OR4F5: variants seen among roughly 807,000 people sequenced by gnomAD.
OR4F5 encodes olfactory receptor family 4 subfamily F member 5.
A neutral mutation model predicts 5.8 loss-of-function variants in OR4F5; 1 was observed. That is an observed-to-expected ratio of 0.17 (90% confidence interval 0.06 to 0.82). The LOEUF (loss-of-function observed/expected upper bound fraction) is 0.82. Ranked by LOEUF, OR4F5 falls within the 40% of genes least tolerant of loss-of-function variation. The pLI, the probability that OR4F5 is intolerant of heterozygous loss-of-function variation, is 0.72. For synonymous variants in OR4F5, 18 were observed against 63.7 expected (o/e 0.28, Z 3.42); for missense variants, 47 against 175.5 (o/e 0.27, Z 4.14).
At chr1:67,414 C>T (rs1463397757) in intron 2 of OR4F5, among the ~76,000 whole-genome samples, 1 of 95,934 alleles carries the variant, frequency 1.0e-5, no homozygotes, top group Non-Finnish European at 2.7e-5. Flanking sequence ...TTTCCAAGCA[C>T]TATGAATTAC....
In OR4F5 at chr1:66,172, A is replaced by G. The variant is rs1341770778; in HGVS notation, c.9+599A>G. 1.1e-4 allele frequency among the ~76,000 whole-genome samples: 10 copies of G among 95,218 alleles called. No homozygotes were observed. In the Admixed American group the frequency reaches 1.3e-3, roughly 13 times the overall value. 62.5% of individuals were successfully genotyped at this position (95,218 alleles called of 152,430 possible). A position where few individuals can be genotyped will look rare whatever the true frequency, so the allele number is the denominator to read the frequency against. On this transcript the variant is annotated intron_variant, in intron 2 of 2. Transcript: ENST00000641515. ...GGACATAAGGCATTTATATATATAT[A>G]TATTATATATACTATATATTTATAT... is the stretch of plus-strand genomic sequence containing the variant.
intron 2 of OR4F5, among the ~76,000 whole-genome samples, chr1:66,399 T>TAATATAATATAATATAA (rs1367914817): frequency 1.2e-5 from 1 of 85,720 alleles, no homozygotes; most frequent in Non-Finnish European, 2.2e-5. Context: ...ATAATATATA[T>TAATATAATATAATATAA]TATATAATAT....
At chr1:67,281 C>T (rs1196058160) in intron 2 of OR4F5, among the ~76,000 whole-genome samples, 2 of 113,838 alleles carry the variant, frequency 1.8e-5, no homozygotes, top group African/African-American at 5.3e-5. Flanking sequence ...TATTAGACTT[C>T]TCTTTATTCT....
intron 2 of OR4F5, among the ~76,000 whole-genome samples, chr1:66,545 T>C (rs1639950122): frequency 1.2e-5 from 1 of 83,798 alleles, no homozygotes; most frequent in Non-Finnish European, 2.6e-5. Context: ...TATATTTATA[T>C]ATAACATATA....
At chr1:66,336 TTATTATATAATATAATATA>T (rs1639940207) in intron 2 of OR4F5, among the ~76,000 whole-genome samples, 1 of 18,350 alleles carries the variant, frequency 5.4e-5, no homozygotes, top group South Asian at 1.1e-3. Context: ...AATATATATT[TTATTATATAATATAATATA>T]TATTATATAA....
intron 2 of OR4F5, among the ~76,000 whole-genome samples, chr1:66,257 T>C (rs1187227459): frequency 9.2e-5 from 3 of 32,786 alleles, no homozygotes; most frequent in African/African-American, 4.0e-4. Flanking sequence ...ATATAATATA[T>C]AATATAAATA....
chr1:66,217 T>C (rs1159614934), intron 2 of OR4F5, among the ~76,000 whole-genome samples: 31 of 66,124 alleles, frequency 4.7e-4, no homozygotes, highest in African/African-American at 1.2e-3. Context: ...ATTATATATA[T>C]AATATATATT....
At chr1:68,618 AT>A (rs1639968589) in intron 2 of OR4F5, among the ~76,000 whole-genome samples, 1 of 26,030 alleles carries the variant, frequency 3.8e-5, no homozygotes, top group South Asian at 1.4e-3. Flanking sequence ...TTGTGATATT[AT>A]TTTTTCTTTT....
chr1:68,381 T>A (rs1339439779), intron 2 of OR4F5, among the ~76,000 whole-genome samples: 1 of 100,780 alleles, frequency 9.9e-6, no homozygotes, highest in African/African-American at 2.9e-5. Flanking sequence ...TCACATTGAG[T>A]CCAGAGCTAA....
chr1:66,473 ATT>A lies in OR4F5; in HGVS notation c.9+901_9+902del, dbSNP rs1250170582. 2.4e-5 allele frequency among the ~76,000 whole-genome samples: 2 copies of A among 83,050 alleles called. 1 individual carries two copies. Among genetic ancestry groups the A allele is most frequent in the Admixed American group, 4.1e-4 (2 of 4,888 alleles). 54.5% of individuals were successfully genotyped at this position (83,050 alleles called of 152,430 possible). ...ATATATATTTTATTATATAATATAT[ATT>A]ATATATTTATAGAATATAATATATA... On this transcript the variant is annotated intron_variant, in intron 2 of 2. Coordinates refer to ENST00000641515, the MANE Select transcript of OR4F5 (RefSeq NM_001005484.2).
intron 2 of OR4F5, among the ~76,000 whole-genome samples, chr1:66,814 A>C (rs528293035): frequency 2.3e-5 from 2 of 86,930 alleles, no homozygotes; most frequent in East Asian, 4.3e-4. Flanking sequence ...AATAATTTTT[A>C]AAAAGTCAGA....
chr1:66,442 T>TCTATA (rs1269543122), intron 2 of OR4F5, among the ~76,000 whole-genome samples: 1 of 25,984 alleles, frequency 3.8e-5, no homozygotes, highest in African/African-American at 1.6e-4. Flanking sequence ...TATATTATAT[T>TCTATA]ATATAATATA....
chr1:66,622 T>C (rs1309509900), intron 2 of OR4F5, among the ~76,000 whole-genome samples: 1 of 97,398 alleles, frequency 1.0e-5, no homozygotes, highest in African/African-American at 3.2e-5. Flanking sequence ...AATATATATA[T>C]TATATATAAT....
chr1:68,217 T>C (rs1328940359), intron 2 of OR4F5, among the ~76,000 whole-genome samples: 4 of 88,878 alleles, frequency 4.5e-5, no homozygotes, highest in Admixed American at 1.2e-4. Context: ...GCACACAAGC[T>C]CATATCTTAA....
intron 2 of OR4F5, among the ~76,000 whole-genome samples, chr1:66,260 TATAA>T (rs1426965667): frequency 7.4e-4 from 22 of 29,896 alleles, no homozygotes; most frequent in African/African-American, 3.1e-3. Context: ...TAATATATAA[TATAA>T]ATATAATATA....
At position 67,196 on chromosome 1, in the gene OR4F5, A is replaced by G. The variant is rs529648468; in HGVS notation, c.9+1623A>G. Reference sequence around the variant, plus strand: ...TAAAAATCCTATCGTTTGTACTGTCAATGATTAGTATGATTATATTTATTA... The same window carrying G: ...TAAAAATCCTATCGTTTGTACTGTCGATGATTAGTATGATTATATTTATTA... On this transcript the variant is annotated intron_variant, in intron 2 of 2. Coordinates refer to ENST00000641515, the MANE Select transcript of OR4F5 (RefSeq NM_001005484.2). Among the ~76,000 whole-genome samples, 21 of 119,532 alleles carry G rather than the reference A, an allele frequency of 1.8e-4. 1 individual carries two copies. The East Asian group carries it at 2.5e-3, about 14-fold the overall frequency. The allele number at this position is 119,532 out of a possible 152,430, so 78.4% of individuals were successfully genotyped here.
In OR4F5 at chr1:66,221, ATATATTATATAATATATAT is replaced by A. The variant is rs1319233199; in HGVS notation, c.9+667_9+685del. ...ATATATTACATATTATATATATAAT[ATATATTATATAATATATAT>A]TATATTATATAATATATAATATAAA... On this transcript the variant is annotated intron_variant, in intron 2 of 2. Transcript: ENST00000641515. Among the ~76,000 whole-genome samples, 17 of 23,904 alleles carry A rather than the reference ATATATTATATAATATATAT, an allele frequency of 7.1e-4. 2 individuals are homozygous for A. Among genetic ancestry groups the A allele is most frequent in the Non-Finnish European group, 2.1e-3 (14 of 6,730 alleles). The allele number at this position is 23,904 out of a possible 152,430, so 15.7% of individuals were successfully genotyped here.
At position 66,247 on chromosome 1, in the gene OR4F5, A is replaced by G. The variant is rs1339679841; in HGVS notation, c.9+674A>G. ...TATATTATATAATATATATTATATT[A>G]TATAATATATAATATAAATATAATA... On this transcript the variant is annotated intron_variant, in intron 2 of 2. Coordinates refer to ENST00000641515, the MANE Select transcript of OR4F5 (RefSeq NM_001005484.2). Among the ~76,000 whole-genome samples, 2 of 31,290 alleles carry G rather than the reference A, an allele frequency of 6.4e-5. 1 individual carries two copies. The highest frequency in any genetic ancestry group is 1.1e-4 in the Non-Finnish European group (2 of 17,652). The allele number at this position is 31,290 out of a possible 152,430, so 20.5% of individuals were successfully genotyped here.
Position 68,360 on chromosome 1 carries a change from T to G in OR4F5, c.10-677T>G, listed in dbSNP as rs1025176933. Among the ~76,000 whole-genome samples, 3 of 107,330 alleles carry G rather than the reference T, an allele frequency of 2.8e-5. 1 individual carries two copies. Among genetic ancestry groups the G allele is most frequent in the Non-Finnish European group, 4.6e-5 (2 of 43,234 alleles). The allele number at this position is 107,330 out of a possible 152,430, so 70.4% of individuals were successfully genotyped here. On this transcript the variant is annotated intron_variant, in intron 2 of 2. Coordinates refer to ENST00000641515, the MANE Select transcript of OR4F5 (RefSeq NM_001005484.2). ...TACTTGGCTTCATTTCCAAGCTCCC[T>G]CCCTTCCAATTCACATTGAGTCCAG...
Sources: allele counts gnomAD v4.1 joint callset (sites outside exome capture counted in the v4.1 genomes callset), GRCh38; gene constraint gnomAD v4.1.1; transcripts MANE v1.5; gene names NCBI Gene and HGNC (gene_info 2026-07-23, HGNC 2026-07-21).